The following NUP88 variants were observed in gnomAD, a reference collection of about 807,000 sequenced individuals.
NUP88 encodes nucleoporin 88.
A neutral mutation model predicts 93.9 loss-of-function variants in NUP88; 57 were observed. The ratio of observed to expected loss-of-function variants is 0.61; its 90% CI spans 0.49 to 0.76. NUP88 has a LOEUF of 0.76. NUP88 is among the 30% of genes least tolerant of loss of function. The probability of loss-of-function intolerance (pLI) is 0.00; values close to 1 mark genes in which losing one functional copy is unlikely to be tolerated. For synonymous variants in NUP88, 346 were observed against 336.8 expected, an observed-to-expected ratio of 1.03 and a Z score of -0.30; for missense variants, 911 against 901.0, an observed-to-expected ratio of 1.01 and a Z score of -0.14.
rs1597315911 is a variant in NUP88 at position 5,391,640 on chromosome 17, A to G, written c.1405T>C (p.Phe469Leu). The change falls in exon 10 of 17, where the codon TTT (phenylalanine) becomes CTT (leucine). Residue 469 changes from phenylalanine (F) to leucine (L), a missense_variant. Coordinates refer to ENST00000573584, the MANE Select transcript of NUP88 (RefSeq NM_002532.6). ...PCRQPAPIRG[F>L]WIVPDILGPT... ...CCCAGAATGTCAGGTACAATCCAAA[A>G]TCCTCGAATTGGAGCTGGCTGCCTG... 1 of 1,614,018 alleles carries G rather than the reference A, an allele frequency of 6.2e-7. No homozygotes were observed. Among genetic ancestry groups the G allele is most frequent in the Non-Finnish European group, 8.5e-7 (1 of 1,179,874 alleles).
chr17:5,408,211 C>T (rs540836906), intron 5 of NUP88, among the ~76,000 whole-genome samples: 37 of 152,344 alleles, frequency 2.4e-4, no homozygotes, highest in African/African-American at 8.9e-4. Context: ...CTCACTCTTC[C>T]TTGATACTTC....
At chr17:5,393,980 G>A (rs1366253109) in intron 9 of NUP88, among the ~76,000 whole-genome samples, 1 of 152,204 alleles carries the variant, frequency 6.6e-6, no homozygotes, top group Non-Finnish European at 1.5e-5. Flanking sequence ...TAACTGGGGT[G>A]ATATGGCACC....
chr17:5,399,681 T>TAGCC, intron 7 of NUP88, 31 bp from the exon 8 acceptor site: 1 of 1,239,576 alleles, frequency 8.1e-7, no homozygotes, highest in Non-Finnish European at 1.2e-6. Flanking sequence ...GATACAAAGG[T>TAGCC]AGCCAGTGGA....
At chr17:5,417,363 G>C (rs1198979141) in intron 1 of NUP88, among the ~76,000 whole-genome samples, 1 of 152,168 alleles carries the variant, frequency 6.6e-6, no homozygotes, top group African/African-American at 2.4e-5. Flanking sequence ...GCTACTTCCA[G>C]GCGCTGAGGT....
At chr17:5,390,561 C>T (rs1806231) in intron 10 of NUP88, among the ~76,000 whole-genome samples, 3,778 of 152,198 alleles carry the variant, frequency 0.025, 152 homozygotes, top group African/African-American at 0.086. Context: ...TTTGAAGCTC[C>T]AGTGACTTTT....
chr17:5,401,769 T>G (rs909995589), intron 7 of NUP88, among the ~76,000 whole-genome samples: 2 of 152,228 alleles, frequency 1.3e-5, no homozygotes, highest in South Asian at 2.1e-4. Context: ...AAATGGCTTT[T>G]CAAAACCTGT....
chr17:5,400,493 CAA>C (rs1187634728), intron 7 of NUP88, among the ~76,000 whole-genome samples: 6 of 44,736 alleles, frequency 1.3e-4, no homozygotes, highest in African/African-American at 4.6e-4. Context: ...AACTCCGTCT[CAA>C]AAAAAAAAAA....
intron 16 of NUP88, 140 bp downstream of exon 16, chr17:5,386,568 T>C (rs1191079189): frequency 1.5e-5 from 11 of 713,144 alleles, no homozygotes; most frequent in East Asian, 7.4e-5. Flanking sequence ...TAAGTCCCTA[T>C]GTATCATGTG....
chr17:5,393,718 A>G (rs58351927), intron 9 of NUP88, among the ~76,000 whole-genome samples: 47,408 of 152,036 alleles, frequency 0.31, 8,031 homozygotes, highest in East Asian at 0.61. Flanking sequence ...TTATAGGCGT[A>G]AGCCACAGTG....
In NUP88 at chr17:5,391,552, G is replaced by A. The variant is rs756535227; in HGVS notation, c.1484+9C>T. 3.1e-6 allele frequency: 5 copies of A among 1,600,208 alleles called. No homozygotes were observed. The highest frequency in any genetic ancestry group is 4.3e-6 in the Non-Finnish European group (5 of 1,167,438). ...AAGAGCTGTGTGGAGAATATAAAATGGGACGTACAATAACGGCCATATGAG... is the reference window on the plus strand; with the variant it reads ...AAGAGCTGTGTGGAGAATATAAAATAGGACGTACAATAACGGCCATATGAG... On this transcript the variant is annotated intron_variant, in intron 10 of 16. Coordinates refer to ENST00000573584, the MANE Select transcript of NUP88 (RefSeq NM_002532.6).
In NUP88 at chr17:5,408,865, T is replaced by G; in HGVS notation, c.725A>C (p.Asp242Ala). 1 of 1,613,744 alleles carries G rather than the reference T, an allele frequency of 6.2e-7. No homozygotes were observed. The highest frequency in any genetic ancestry group is 8.5e-7 in the Non-Finnish European group (1 of 1,179,862). ...TGGGACTGCTGCCAATGGCCCAAAG[T>G]CAAATGCAACTGCTGTCTCTCCTAG... is the stretch of plus-strand genomic sequence containing the variant. ...ASLGETAVAF[D>A]FGPLAAVPKT... is the part of the protein sequence containing the mutation. Residue 242 changes from aspartate (D) to alanine (A), a missense_variant, in exon 5 of 17, where the codon GAC becomes GCC. Physicochemically the swap from Asp to Ala is moderately radical, Grantham distance 126 (BLOSUM62 -2). Transcript: ENST00000573584.
At chr17:5,408,377 T>G (rs551283247) in intron 5 of NUP88, among the ~76,000 whole-genome samples, 1 of 152,244 alleles carries the variant, frequency 6.6e-6, no homozygotes. Flanking sequence ...TTCATGTGTA[T>G]GTATCTTTCT....
intron 2 of NUP88, 129 bp from the exon 3 acceptor site, chr17:5,414,263 T>G: frequency 1.4e-6 from 1 of 697,774 alleles, no homozygotes. Flanking sequence ...CGGCACAATC[T>G]CGGCTCACTG....
At chr17:5,390,689 A>G (rs539138620) in intron 10 of NUP88, among the ~76,000 whole-genome samples, 41 of 145,446 alleles carry the variant, frequency 2.8e-4, no homozygotes, top group Non-Finnish European at 4.3e-4. Flanking sequence ...AGCAAAGACT[A>G]AGAGTTCAGC....
At position 5,394,893 on chromosome 17, in the gene NUP88, G is replaced by T; in HGVS notation, c.1380C>A (p.Cys460Ter). Residue 460 changes from cysteine to a stop codon, truncating the protein, a stop_gained and splice_region_variant, in exon 9 of 17, where the codon TGC (cysteine) becomes TGA (stop). Coordinates refer to ENST00000573584, the MANE Select transcript of NUP88 (RefSeq NM_002532.6). LOFTEE classifies it high-confidence loss of function. ...TACAAGGGAGGGAGAGTCCTTACCT[G>T]CAGGGCAATGGCTTCGTACAAAGGA... ...EHILCTKPLP[C>*]RQPAPIRGFW... 1 of 1,608,248 alleles carries T rather than the reference G, an allele frequency of 6.2e-7. No homozygotes were observed. Among genetic ancestry groups the T allele is most frequent in the Non-Finnish European group, 8.5e-7 (1 of 1,174,648 alleles).
At chr17:5,389,093 A>G (rs1442224890) in intron 10 of NUP88, 133 bp from the exon 11 acceptor site, 6 of 647,904 alleles carry the variant, frequency 9.3e-6, no homozygotes, top group Non-Finnish European at 9.8e-6. Flanking sequence ...GCAAGAATGC[A>G]TGTTTTCCAC....
chr17:5,387,508 T>C (rs1320940701), intron 13 of NUP88, 42 bp from the exon 14 acceptor site: 2 of 1,602,578 alleles, frequency 1.2e-6, no homozygotes, highest in East Asian at 4.5e-5. Flanking sequence ...GTCCACCCCT[T>C]GATGCTGAAA....
chr17:5,411,505 G>A (rs1202161995), intron 3 of NUP88, among the ~76,000 whole-genome samples: 13 of 151,260 alleles, frequency 8.6e-5, no homozygotes, highest in Non-Finnish European at 1.3e-4. Flanking sequence ...TGGAGGTTGC[G>A]GTGAGCTGGA....
At position 5,388,793 on chromosome 17, in the gene NUP88, G is replaced by A; in HGVS notation, c.1643+9C>T. The A allele has an allele frequency of 6.2e-7, 1 of 1,612,252 alleles. No homozygotes were observed. On this transcript the variant is annotated intron_variant, in intron 11 of 16. Transcript: ENST00000573584. ...CATTCATAAAACCGCTATGCCCAAG[G>A]TTGCATACTTCAAAAATGCTGGATT...
Sources: gnomAD v4.1 joint callset for allele counts (sites outside exome capture counted in the v4.1 genomes callset) on GRCh38, gnomAD v4.1.1 for gene constraint, MANE v1.5 for transcripts, NCBI Gene and HGNC (gene_info 2026-07-23, HGNC 2026-07-21) for gene names.